The following CUX1 variants were observed in gnomAD, a reference collection of about 807,000 sequenced individuals.
The protein encoded by CUX1 is cut like homeobox 1.
CUX1 carries 31 observed loss-of-function variants against 158.8 expected under a neutral mutation model. The ratio of observed to expected loss-of-function variants is 0.20; its 90% CI spans 0.15 to 0.26. The LOEUF (loss-of-function observed/expected upper bound fraction) is 0.26, where lower values mean the gene tolerates loss of function less well. Among genes scored for constraint, CUX1 ranks in the 10% least tolerant of loss-of-function variants. The probability of loss-of-function intolerance (pLI) is 1.00; values close to 1 mark genes in which losing one functional copy is unlikely to be tolerated. For missense variants in CUX1, 1,589 were observed against 2,014.6 expected, an observed-to-expected ratio of 0.79 and a Z score of 4.04; for synonymous variants, 879 against 862.1, an observed-to-expected ratio of 1.02 and a Z score of -0.34.
At chr7:102,159,915 T>A (rs1217216398) in intron 9 of CUX1, among the ~76,000 whole-genome samples, 1 of 152,060 alleles carries the variant, frequency 6.6e-6, no homozygotes, top group Non-Finnish European at 1.5e-5. Context: ...GTGTAGTGGC[T>A]CACGCCTGTA....
chr7:102,071,968 T>C (rs1826185368), intron 4 of CUX1, among the ~76,000 whole-genome samples: 1 of 152,224 alleles, frequency 6.6e-6, no homozygotes, highest in Non-Finnish European at 1.5e-5. Flanking sequence ...CTTTTGGTTT[T>C]CTGTGAGAGT....
At position 102,252,418 on chromosome 7, in the gene CUX1, A is replaced by G. The variant is rs1801616285; in HGVS notation, c.*3376A>G. ...TTCCTCTTCACGCTCTATGAGTTTA[A>G]AAAGCTGATTTGTACCTCTCCCCTG... is the stretch of plus-strand genomic sequence containing the variant. On this transcript the variant is annotated 3_prime_UTR_variant, in exon 24 of 24. Transcript: ENST00000292535. 1 of 985,346 alleles carries G rather than the reference A, an allele frequency of 1.0e-6. No individual in the cohort carries two copies. The highest frequency in any genetic ancestry group is 1.2e-6 in the Non-Finnish European group (1 of 829,954). The allele number at this position is 985,346 out of a possible 1,614,324, so 61.0% of individuals were successfully genotyped here.
chr7:102,138,934 T>C (rs771347981), intron 8 of CUX1, among the ~76,000 whole-genome samples: 3 of 152,150 alleles, frequency 2.0e-5, no homozygotes, highest in Admixed American at 6.6e-5. Flanking sequence ...CCATTTTAGC[T>C]TTCACTAAAC....
At chr7:101,828,391 CA>C (rs1300496406) in intron 1 of CUX1, among the ~76,000 whole-genome samples, 1 of 152,122 alleles carries the variant, frequency 6.6e-6, no homozygotes, top group Non-Finnish European at 1.5e-5. Context: ...GCACATAGAA[CA>C]CAAAAAGATC....
At chr7:102,000,279 C>T (rs1816531123) in intron 2 of CUX1, among the ~76,000 whole-genome samples, 2 of 151,952 alleles carry the variant, frequency 1.3e-5, no homozygotes, top group South Asian at 4.1e-4. Context: ...AGCTGCCCTG[C>T]ATTGAGACAC....
chr7:102,254,578 G>T lies in CUX1; in HGVS notation c.*5536G>T. ...ACTGTGGGGGCCAAAGTGTTCCCCTGCTGGAGACAGTTTGCAAGTAAGAAC... is the reference window on the plus strand; with the variant it reads ...ACTGTGGGGGCCAAAGTGTTCCCCTTCTGGAGACAGTTTGCAAGTAAGAAC... On this transcript the variant is annotated 3_prime_UTR_variant, in exon 24 of 24. Transcript: ENST00000292535. 3 of 985,432 alleles carry T rather than the reference G, an allele frequency of 3.0e-6. No individual in the cohort carries two copies. Among genetic ancestry groups the T allele is most frequent in the Non-Finnish European group, 3.6e-6 (3 of 829,960 alleles). 61.0% of individuals were successfully genotyped at this position (985,432 alleles called of 1,614,324 possible).
chr7:102,014,192 G>T (rs1439002594), intron 2 of CUX1, among the ~76,000 whole-genome samples: 1 of 152,102 alleles, frequency 6.6e-6, no homozygotes, highest in Non-Finnish European at 1.5e-5. Flanking sequence ...GACCTCTGTG[G>T]CCTTCGAAGC....
intron 20 of CUX1, among the ~76,000 whole-genome samples, chr7:102,209,443 G>A (rs1371992477): frequency 1.3e-5 from 2 of 151,768 alleles, no homozygotes; most frequent in East Asian, 3.9e-4. Flanking sequence ...AAGGCGTAAG[G>A]TGAGCGGTAG....
At chr7:102,060,635 A>ACACACACACACG (rs1247660515) in intron 3 of CUX1, among the ~76,000 whole-genome samples, 3 of 151,210 alleles carry the variant, frequency 2.0e-5, no homozygotes, top group Non-Finnish European at 4.4e-5. Flanking sequence ...ACACACACAC[A>ACACACACACACG]CACACACACT....
At chr7:102,043,485 T>TA (rs910780891) in intron 3 of CUX1, among the ~76,000 whole-genome samples, 1 of 152,094 alleles carries the variant, frequency 6.6e-6, no homozygotes, top group African/African-American at 2.4e-5. Flanking sequence ...CTTGCTTAAG[T>TA]AAAACTTTTA....
At chr7:102,194,097 C>T in intron 13 of CUX1, 1 of 629,088 alleles carries the variant, frequency 1.6e-6, no homozygotes. Flanking sequence ...AGGCATGAAC[C>T]AGGCATAGAT....
intron 2 of CUX1, among the ~76,000 whole-genome samples, chr7:101,921,708 C>T (rs899733213): frequency 9.9e-5 from 15 of 152,258 alleles, no homozygotes; most frequent in Admixed American, 2.6e-4. Flanking sequence ...GTGATCCACC[C>T]GCCTCGGCCT....
chr7:102,017,197 A>G (rs535685925), intron 2 of CUX1, among the ~76,000 whole-genome samples: 2 of 151,428 alleles, frequency 1.3e-5, no homozygotes, highest in Admixed American at 1.3e-4. Context: ...CCAGCTACTC[A>G]GGAGAATTGC....
intron 20 of CUX1, among the ~76,000 whole-genome samples, chr7:102,211,030 A>T (rs1796457401): frequency 6.6e-6 from 1 of 152,238 alleles, no homozygotes; most frequent in Non-Finnish European, 1.5e-5. Flanking sequence ...AGTGTCCTTG[A>T]TAAGCAGTCA....
In CUX1 at chr7:102,253,075, C is replaced by G; in HGVS notation, c.*4033C>G. 7 of 985,454 alleles carry G rather than the reference C, an allele frequency of 7.1e-6. No individual in the cohort carries two copies. The highest frequency in any genetic ancestry group is 8.4e-6 in the Non-Finnish European group (7 of 829,940). The allele number at this position is 985,454 out of a possible 1,614,324, so 61.0% of individuals were successfully genotyped here. On this transcript the variant is annotated 3_prime_UTR_variant, in exon 24 of 24. Coordinates refer to ENST00000292535, the MANE Select transcript of CUX1 (RefSeq NM_181552.4). Reference sequence around the variant, plus strand: ...TCGACAGCCTCCCTGGGGTAGATCCCTTGTACCTCCAAAGTACAAATACCT... The same window carrying G: ...TCGACAGCCTCCCTGGGGTAGATCCGTTGTACCTCCAAAGTACAAATACCT...
intron 1 of CUX1, among the ~76,000 whole-genome samples, chr7:101,845,648 G>A (rs1584740466): frequency 6.6e-6 from 1 of 152,172 alleles, no homozygotes; most frequent in Non-Finnish European, 1.5e-5. Context: ...GAACAGTGCT[G>A]TTCCGATTTA....
In CUX1 at chr7:102,156,175, C is replaced by T. The variant is rs192898484; in HGVS notation, c.675-2385C>T. 3.1e-4 allele frequency among the ~76,000 whole-genome samples: 47 copies of T among 152,250 alleles called. 1 individual carries two copies. The East Asian group carries it at 7.9e-3, about 26-fold the overall frequency. ...ACAAAAATTCCCCAGCCCAGGGGCC[C>T]GGAGACAGTTTTTCCAACTCTCAGC... is the stretch of plus-strand genomic sequence containing the variant. On this transcript the variant is annotated intron_variant, in intron 8 of 23. Coordinates refer to ENST00000292535, the MANE Select transcript of CUX1 (RefSeq NM_181552.4).
At chr7:102,104,148 AAAGTTCAAT>A (rs1461900170) in intron 5 of CUX1, among the ~76,000 whole-genome samples, 179 bp from the exon 6 acceptor site, 2 of 152,108 alleles carry the variant, frequency 1.3e-5, no homozygotes, top group Admixed American at 1.3e-4. Context: ...CTAAACGTTT[AAAGTTCAAT>A]TTAACATTTA....
chr7:101,906,337 A>G (rs570766871), intron 1 of CUX1, among the ~76,000 whole-genome samples: 1 of 151,982 alleles, frequency 6.6e-6, no homozygotes, highest in African/African-American at 2.4e-5. Context: ...GAGGTGAGGC[A>G]GGAGGAGCAG....
Sources: gnomAD v4.1 joint callset for allele counts (sites outside exome capture counted in the v4.1 genomes callset) on GRCh38, gnomAD v4.1.1 for gene constraint, MANE v1.5 for transcripts, NCBI Gene and HGNC (gene_info 2026-07-23, HGNC 2026-07-21) for gene names.